Variants in CPPED1 observed in about 807,000 individuals in gnomAD.
CPPED1 encodes calcineurin like phosphoesterase domain containing 1.
A neutral mutation model predicts 28.0 loss-of-function variants in CPPED1; 28 were observed. The ratio of observed to expected loss-of-function variants is 1.00; its 90% CI spans 0.74 to 1.37. CPPED1 has a LOEUF of 1.37. Ranked by LOEUF, CPPED1 falls within the 40% of genes most tolerant of loss-of-function variation. The pLI is 0.00. For missense variants in CPPED1, 504 were observed against 416.5 expected (o/e 1.21, Z -1.83); for synonymous variants, 198 against 180.2 (o/e 1.10, Z -0.79).
At position 12,662,061 on chromosome 16, in the gene CPPED1, GT is replaced by G. The variant is rs746949735; in HGVS notation, c.*2824del. On this transcript the variant is annotated 3_prime_UTR_variant, in exon 4 of 4. Coordinates refer to ENST00000381774, the MANE Select transcript of CPPED1 (RefSeq NM_018340.3). Reference sequence around the variant, plus strand: ...ATCCGTTCTTTCTCCACCAAGATGAGTTAGGCGACCTTGGCCACGTGACCCC... The same window carrying G: ...ATCCGTTCTTTCTCCACCAAGATGAGTAGGCGACCTTGGCCACGTGACCCC... 6 of 152,220 alleles carry G rather than the reference GT, an allele frequency of 3.9e-5. No individual in the cohort carries two copies. The highest frequency in any genetic ancestry group is 7.3e-5 in the Non-Finnish European group (5 of 68,068). The allele number at this position is 152,220 out of a possible 1,614,324, so 9.4% of individuals were successfully genotyped here.
chr16:12,761,755 A>T (rs2080411046), intron 2 of CPPED1, among the ~76,000 whole-genome samples: 1 of 152,226 alleles, frequency 6.6e-6, no homozygotes, highest in Non-Finnish European at 1.5e-5. Context: ...CTCATAGTAT[A>T]ATACCAACAC....
chr16:12,742,497 T>G (rs1036601673), intron 2 of CPPED1, among the ~76,000 whole-genome samples: 6 of 152,216 alleles, frequency 3.9e-5, no homozygotes, highest in African/African-American at 1.4e-4. Flanking sequence ...ACATAAAATC[T>G]ATCTGCTCAA....
chr16:12,699,861 C>T (rs2080011168), intron 3 of CPPED1, among the ~76,000 whole-genome samples: 1 of 152,112 alleles, frequency 6.6e-6, no homozygotes, highest in African/African-American at 2.4e-5. Context: ...TTTATCCCAG[C>T]CTTTAAGTTA....
At chr16:12,702,164 G>A (rs1025746400) in intron 3 of CPPED1, among the ~76,000 whole-genome samples, 1 of 152,148 alleles carries the variant, frequency 6.6e-6, no homozygotes, top group African/African-American at 2.4e-5. Context: ...TTGAGGGGTT[G>A]CAGATCTGAG....
intron 1 of CPPED1, among the ~76,000 whole-genome samples, chr16:12,791,051 T>C (rs2080593439): frequency 6.6e-6 from 1 of 151,974 alleles, no homozygotes; most frequent in Admixed American, 6.6e-5. Flanking sequence ...ATCATCTTTT[T>C]TTTTTTTTTA....
Position 12,659,957 on chromosome 16 carries a change from G to A in CPPED1, c.*4929C>T, listed in dbSNP as rs2079784702. 6.6e-6 allele frequency: 1 copy of A among 152,200 alleles called. No homozygotes were observed. The highest frequency in any genetic ancestry group is 1.9e-4 in the East Asian group (1 of 5,186). 9.4% of individuals were successfully genotyped at this position (152,200 alleles called of 1,614,324 possible). A position where few individuals can be genotyped will look rare whatever the true frequency, so the allele number is the denominator to read the frequency against. ...AGCTATCAAACACAAAACCATCAGTGTCATGAGAACTCACTATCACAAGAA... is the reference window on the plus strand; with the variant it reads ...AGCTATCAAACACAAAACCATCAGTATCATGAGAACTCACTATCACAAGAA... On this transcript the variant is annotated 3_prime_UTR_variant, in exon 4 of 4. Coordinates refer to ENST00000381774, the MANE Select transcript of CPPED1 (RefSeq NM_018340.3).
intron 3 of CPPED1, among the ~76,000 whole-genome samples, chr16:12,676,909 G>C (rs2079880620): frequency 6.6e-6 from 1 of 152,118 alleles, no homozygotes. Context: ...ATACGATTTA[G>C]AGATGTTCAG....
Position 12,704,475 on chromosome 16 carries a change from C to A in CPPED1, c.715+149G>T, listed in dbSNP as rs927530635. ...CAGGAGGATTAACTAGCCAGACATG[C>A]AGTCTGCAAGTCCAAGAGCTGGTAT... On this transcript the variant is annotated intron_variant, in intron 3 of 3. Transcript: ENST00000381774. 9.4e-6 allele frequency: 7 copies of A among 746,174 alleles called. No homozygotes were observed. In the African/African-American group the frequency reaches 1.2e-4, roughly 13 times the overall value. 46.2% of individuals were successfully genotyped at this position (746,174 alleles called of 1,614,324 possible). A position where few individuals can be genotyped will look rare whatever the true frequency, so the allele number is the denominator to read the frequency against.
intron 3 of CPPED1, among the ~76,000 whole-genome samples, chr16:12,702,683 G>A (rs576789347): frequency 6.6e-6 from 1 of 152,128 alleles, no homozygotes. Flanking sequence ...ACTCAGGGCA[G>A]TCATGGGCTT....
At chr16:12,674,347 T>A (rs1200779750) in intron 3 of CPPED1, among the ~76,000 whole-genome samples, 5 of 152,120 alleles carry the variant, frequency 3.3e-5, no homozygotes, top group African/African-American at 4.8e-5. Flanking sequence ...TCAAGGAGTC[T>A]GAAACGAGGA....
chr16:12,774,916 G>C (rs2080489052), intron 2 of CPPED1, among the ~76,000 whole-genome samples: 1 of 152,158 alleles, frequency 6.6e-6, no homozygotes. Flanking sequence ...GGACTCCCAG[G>C]TTCAAGCAAT....
chr16:12,686,893 G>T (rs1473039813), intron 3 of CPPED1, among the ~76,000 whole-genome samples: 1 of 151,882 alleles, frequency 6.6e-6, no homozygotes, highest in Non-Finnish European at 1.5e-5. Context: ...TTTTTGAAAA[G>T]AACTGATGGC....
chr16:12,725,250 C>G (rs529096337), intron 2 of CPPED1, among the ~76,000 whole-genome samples: 1 of 152,220 alleles, frequency 6.6e-6, no homozygotes, highest in South Asian at 2.1e-4. Context: ...TGTGCCACCA[C>G]ACCTGGCTAA....
chr16:12,691,059 C>A lies in CPPED1; in HGVS notation c.715+13565G>T, dbSNP rs569881312. Among the ~76,000 whole-genome samples the A allele has an allele frequency of 1.8e-4, 27 of 152,336 alleles. No homozygotes were observed. The South Asian group carries it at 5.2e-3, about 29-fold the overall frequency. On this transcript the variant is annotated intron_variant, in intron 3 of 3. Coordinates refer to ENST00000381774, the MANE Select transcript of CPPED1 (RefSeq NM_018340.3). The stretch of plus-strand genomic sequence containing the variant: ...CTGCTCATCAACATGCTCTGGGGCA[C>A]CCAACAGCAATGTCGTTGAGAACAC...
intron 1 of CPPED1, among the ~76,000 whole-genome samples, chr16:12,792,929 T>C (rs1316725280): frequency 6.6e-6 from 1 of 152,126 alleles, no homozygotes; most frequent in Non-Finnish European, 1.5e-5. Context: ...AACGGATTAG[T>C]ACACTTCCCC....
intron 2 of CPPED1, among the ~76,000 whole-genome samples, chr16:12,747,350 T>G (rs998113688): frequency 6.6e-6 from 1 of 151,962 alleles, no homozygotes; most frequent in Non-Finnish European, 1.5e-5. Context: ...GAGGATTGAT[T>G]GAGCCTGACA....
At chr16:12,794,714 G>T (rs938835274) in intron 1 of CPPED1, among the ~76,000 whole-genome samples, 2 of 152,070 alleles carry the variant, frequency 1.3e-5, no homozygotes, top group African/African-American at 4.8e-5. Flanking sequence ...AGTTTCGGTC[G>T]GATCTTAGAG....
chr16:12,741,996 G>C (rs2080258443), intron 2 of CPPED1, among the ~76,000 whole-genome samples: 1 of 152,002 alleles, frequency 6.6e-6, no homozygotes, highest in African/African-American at 2.4e-5. Flanking sequence ...AACCTGGGAG[G>C]GGGAGGTCAC....
At chr16:12,737,824 T>G (rs1336557666) in intron 2 of CPPED1, among the ~76,000 whole-genome samples, 2 of 152,180 alleles carry the variant, frequency 1.3e-5, no homozygotes, top group Non-Finnish European at 2.9e-5. Context: ...AGGGAACATT[T>G]GAGCAATTTT....
Sources: gnomAD v4.1 joint callset for allele counts (sites outside exome capture counted in the v4.1 genomes callset) on GRCh38, gnomAD v4.1.1 for gene constraint, MANE v1.5 for transcripts, NCBI Gene and HGNC (gene_info 2026-07-23, HGNC 2026-07-21) for gene names.